CYP7B1: variants seen among roughly 807,000 people sequenced by gnomAD.
CYP7B1 encodes cytochrome P450 7B1.
CYP7B1 carries 29 observed loss-of-function variants against 42.7 expected under a neutral mutation model. The ratio of observed to expected loss-of-function variants is 0.68; its 90% CI spans 0.51 to 0.93. The LOEUF (loss-of-function observed/expected upper bound fraction) is 0.93, where lower values mean the gene tolerates loss of function less well. Among genes scored for constraint, CYP7B1 ranks in the 40% least tolerant of loss-of-function variants. The pLI is 0.00. For missense variants in CYP7B1, 655 were observed against 600.5 expected, an observed-to-expected ratio of 1.09 and a Z score of -0.95; for synonymous variants, 235 against 218.2, an observed-to-expected ratio of 1.08 and a Z score of -0.68.
At chr8:64,618,942 T>C (rs1805489023) in intron 2 of CYP7B1, among the ~76,000 whole-genome samples, 1 of 152,172 alleles carries the variant, frequency 6.6e-6, no homozygotes, top group Non-Finnish European at 1.5e-5. Context: ...CATTGTGTTT[T>C]ACCTACTATC....
intron 3 of CYP7B1, 111 bp downstream of exon 3, chr8:64,615,580 C>T (rs940936444): frequency 1.9e-6 from 2 of 1,029,864 alleles, no homozygotes; most frequent in South Asian, 1.4e-5. Flanking sequence ...TTATCATTAG[C>T]CAATTAGAAA....
intron 1 of CYP7B1, among the ~76,000 whole-genome samples, chr8:64,710,787 T>G (rs1390820001): frequency 6.7e-6 from 1 of 149,562 alleles, no homozygotes; most frequent in African/African-American, 2.4e-5. Context: ...TATAAATATA[T>G]TTTATTTATA....
chr8:64,670,475 CATTT>C (rs1401389539), intron 1 of CYP7B1, among the ~76,000 whole-genome samples: 1 of 152,120 alleles, frequency 6.6e-6, no homozygotes, highest in East Asian at 1.9e-4. Flanking sequence ...AATAAAATGA[CATTT>C]ATTACAGTCA....
At chr8:64,690,403 CACAA>C (rs903974543) in intron 1 of CYP7B1, among the ~76,000 whole-genome samples, 3 of 152,014 alleles carry the variant, frequency 2.0e-5, no homozygotes, top group Admixed American at 6.6e-5. Flanking sequence ...ACCCTGTCTC[CACAA>C]ACAAACAAAC....
intron 4 of CYP7B1, among the ~76,000 whole-genome samples, chr8:64,607,376 A>C (rs1805297655): frequency 6.7e-6 from 1 of 149,110 alleles, no homozygotes; most frequent in Admixed American, 6.8e-5. Flanking sequence ...GCTAGCACTC[A>C]GTTCTCAATT....
At chr8:64,763,715 C>T (rs1807925463) in intron 1 of CYP7B1, among the ~76,000 whole-genome samples, 1 of 152,216 alleles carries the variant, frequency 6.6e-6, no homozygotes, top group Non-Finnish European at 1.5e-5. Flanking sequence ...TTTCAGTTTT[C>T]CTGGGGAAGC....
intron 1 of CYP7B1, among the ~76,000 whole-genome samples, chr8:64,702,395 A>G (rs372417807): frequency 1.2e-4 from 18 of 152,218 alleles, no homozygotes; most frequent in Admixed American, 8.5e-4. Flanking sequence ...TGCTGAATGC[A>G]TCTTCTTGAG....
chr8:64,767,555 C>T (rs1804118961), intron 1 of CYP7B1, among the ~76,000 whole-genome samples: 1 of 152,192 alleles, frequency 6.6e-6, no homozygotes, highest in South Asian at 2.1e-4. Context: ...CTTTTGCCTG[C>T]AGCTAACCAA....
At chr8:64,670,300 A>G (rs1806346144) in intron 1 of CYP7B1, among the ~76,000 whole-genome samples, 1 of 152,200 alleles carries the variant, frequency 6.6e-6, no homozygotes. Context: ...ACATGTTTAC[A>G]TGTATTTTTC....
chr8:64,604,779 C>T lies in CYP7B1; in HGVS notation c.1136G>A (p.Ser379Asn). 2 of 1,614,150 alleles carry T rather than the reference C, an allele frequency of 1.2e-6. No homozygotes were observed. The highest frequency in any genetic ancestry group is 1.3e-5 in the African/African-American group (1 of 75,016). The part of the protein sequence containing the change: ...IRFVEEDLTL[S>N]SETGDYCVRK... ...CACACAGTAGTCCCCGGTCTCTGAACTGAGAGTCAAATCCTCCTCAACAAA... is the reference window on the plus strand; with the variant it reads ...CACACAGTAGTCCCCGGTCTCTGAATTGAGAGTCAAATCCTCCTCAACAAA... The change falls in exon 5 of 6, where the codon AGT becomes AAT. Residue 379 changes from serine to asparagine, a missense_variant. Physicochemically the swap from Ser to Asn is conservative, Grantham distance 46. Transcript: ENST00000310193.
Position 64,773,478 on chromosome 8 carries a change from G to A in CYP7B1, c.122+24988C>T, listed in dbSNP as rs1394332415. Reference sequence around the variant, plus strand: ...CACGCCTACTCTTCAGCTTTCCAATGTGCATGTTTACAATTGCAAAAAATA... The same window carrying A: ...CACGCCTACTCTTCAGCTTTCCAATATGCATGTTTACAATTGCAAAAAATA... On this transcript the variant is annotated intron_variant, in intron 1 of 5. Coordinates refer to ENST00000310193, the MANE Select transcript of CYP7B1 (RefSeq NM_004820.5). Among the ~76,000 whole-genome samples, 8 of 152,138 alleles carry A rather than the reference G, an allele frequency of 5.3e-5. No individual in the cohort carries two copies. In the East Asian group the frequency reaches 1.5e-3, roughly 29 times the overall value.
At chr8:64,765,104 T>TA (rs1383589851) in intron 1 of CYP7B1, among the ~76,000 whole-genome samples, 2 of 152,034 alleles carry the variant, frequency 1.3e-5, no homozygotes, top group Non-Finnish European at 2.9e-5. Context: ...AGCCAAGACT[T>TA]AAAGTATTTG....
At chr8:64,650,099 G>A (rs559371044) in intron 1 of CYP7B1, among the ~76,000 whole-genome samples, 57 of 152,196 alleles carry the variant, frequency 3.7e-4, no homozygotes, top group African/African-American at 1.3e-3. Flanking sequence ...GCCTGTGCCT[G>A]TGCATATGTT....
chr8:64,722,065 C>A (rs1472753286), intron 1 of CYP7B1, among the ~76,000 whole-genome samples: 4 of 152,128 alleles, frequency 2.6e-5, no homozygotes, highest in Admixed American at 2.6e-4. Flanking sequence ...GGAGGTTGAG[C>A]CATGGAAGTT....
intron 1 of CYP7B1, among the ~76,000 whole-genome samples, chr8:64,730,788 C>G (rs1394750079): frequency 6.6e-6 from 1 of 151,892 alleles, no homozygotes; most frequent in Non-Finnish European, 1.5e-5. Context: ...CACACACACT[C>G]TGTATATATG....
intron 2 of CYP7B1, among the ~76,000 whole-genome samples, chr8:64,619,465 G>A (rs1317040910): frequency 1.3e-5 from 2 of 152,170 alleles, no homozygotes; most frequent in Non-Finnish European, 2.9e-5. Flanking sequence ...GAATTTCAAA[G>A]TCTGCATTTG....
chr8:64,662,303 G>A (rs1228765001), intron 1 of CYP7B1, among the ~76,000 whole-genome samples: 2 of 152,166 alleles, frequency 1.3e-5, no homozygotes, highest in Admixed American at 6.5e-5. Context: ...CTGCACTCCA[G>A]CCTGGGTGAC....
At chr8:64,722,760 GA>G (rs1476724797) in intron 1 of CYP7B1, among the ~76,000 whole-genome samples, 192 of 64,628 alleles carry the variant, frequency 3.0e-3, no homozygotes, top group African/African-American at 7.8e-3. Context: ...GGGGGGGCGG[GA>G]GGTTTTTTTT....
At chr8:64,701,221 A>C (rs1224324698) in intron 1 of CYP7B1, among the ~76,000 whole-genome samples, 1 of 152,040 alleles carries the variant, frequency 6.6e-6, no homozygotes, top group Non-Finnish European at 1.5e-5. Flanking sequence ...ACGTCGAGGC[A>C]TGGTGTTAAC....
Sources: allele counts gnomAD v4.1 joint callset (sites outside exome capture counted in the v4.1 genomes callset), GRCh38; gene constraint gnomAD v4.1.1; transcripts MANE v1.5; gene names NCBI Gene and HGNC (gene_info 2026-07-23, HGNC 2026-07-21).